HCN2: variants seen among roughly 807,000 people sequenced by gnomAD.
HCN2 encodes the protein hyperpolarization activated cyclic nucleotide gated potassium and sodium channel 2.
Under a neutral mutation model 52.3 loss-of-function variants are expected in HCN2, and 20 were observed. That is an observed-to-expected ratio of 0.38 (90% CI 0.27 to 0.56). The LOEUF is 0.56. HCN2 is among the 20% of genes least tolerant of loss of function. HCN2 has a pLI of 0.71. For synonymous variants in HCN2, 694 were observed against 537.0 expected (o/e 1.29, Z -4.04); for missense variants, 981 against 1,207.7 (o/e 0.81, Z 2.78).
At chr19:598,455 C>T (rs914375617) in intron 1 of HCN2, among the ~76,000 whole-genome samples, 1 of 152,044 alleles carries the variant, frequency 6.6e-6, no homozygotes, top group Non-Finnish European at 1.5e-5. Flanking sequence ...CACAGGTGCG[C>T]ACCACCACGC....
At chr19:609,846 G>A (rs1163616657) in intron 4 of HCN2, among the ~76,000 whole-genome samples, 2 of 152,212 alleles carry the variant, frequency 1.3e-5, no homozygotes, top group African/African-American at 2.4e-5. Context: ...GCTGCAGTGA[G>A]CTGTGATTGC....
chr19:590,046 A>AGCCGCC lies in HCN2; in HGVS notation c.117_122dup (p.Pro40_Pro41dup), dbSNP rs1184713061. 1.8e-5 allele frequency: 10 copies of AGCCGCC among 562,612 alleles called. No individual in the cohort carries two copies. Among genetic ancestry groups the AGCCGCC allele is most frequent in the African/African-American group, 4.9e-5 (2 of 40,906 alleles). 34.9% of individuals were successfully genotyped at this position (562,612 alleles called of 1,614,324 possible). A position where few individuals can be genotyped will look rare whatever the true frequency, so the allele number is the denominator to read the frequency against. On this transcript the variant is annotated inframe_insertion, in exon 1 of 8. Transcript: ENST00000251287. This position sits in a 1 kb window ranked among gnomAD's most constrained non-coding sequence, Gnocchi z 7.2. ...CCGCCGCCCGCGCCCCCCCAACAGC[A>AGCCGCC]GCCGCCGCCGCCGCCGCCGCCCGCG...
intron 1 of HCN2, among the ~76,000 whole-genome samples, chr19:601,607 G>A (rs1373713795): frequency 2.0e-5 from 3 of 150,950 alleles, no homozygotes; most frequent in East Asian, 3.9e-4. Flanking sequence ...AACACGGCGG[G>A]GTGCTCGTCC....
In HCN2 at chr19:616,808, GCCCCGCCCGCCCCCCACCCTCTAGGTGGC is replaced by G. The variant is rs1983965253; in HGVS notation, c.*340_*368del. On this transcript the variant is annotated 3_prime_UTR_variant, in exon 8 of 8. Coordinates refer to ENST00000251287, the MANE Select transcript of HCN2 (RefSeq NM_001194.4). ...GTGGCTGAGAGGAGCCGGCTGTGGA[GCCCCGCCCGCCCCCCACCCTCTAGGTGGC>G]CCCCGTCCGAGGAGGATCGTTTTCT... The G allele has an allele frequency of 4.5e-6, 1 of 219,930 alleles. No homozygotes were observed. Among genetic ancestry groups the G allele is most frequent in the Admixed American group, 5.4e-5 (1 of 18,504 alleles). 13.6% of individuals were successfully genotyped at this position (219,930 alleles called of 1,614,324 possible).
intron 7 of HCN2, among the ~76,000 whole-genome samples, chr19:614,928 C>T (rs940009441): frequency 6.6e-5 from 10 of 152,084 alleles, no homozygotes; most frequent in East Asian, 1.9e-4. Flanking sequence ...ATGGCTGAAA[C>T]GCAGGACAGG....
intron 1 of HCN2, among the ~76,000 whole-genome samples, chr19:598,616 T>C (rs1983107855): frequency 6.6e-6 from 1 of 152,046 alleles, no homozygotes; most frequent in African/African-American, 2.4e-5. Context: ...TTCCCTTCTT[T>C]TTTGAGACGG....
chr19:600,867 C>T (rs1032108439), intron 1 of HCN2, among the ~76,000 whole-genome samples: 2 of 152,294 alleles, frequency 1.3e-5, no homozygotes, highest in South Asian at 2.1e-4. Flanking sequence ...GTTGTACAAC[C>T]GTCACCACTA....
At chr19:615,698 G>A in intron 7 of HCN2, 97 bp from the exon 8 acceptor site, 1 of 1,176,462 alleles carries the variant, frequency 8.5e-7, no homozygotes. Flanking sequence ...TACACGGCAA[G>A]CACTGTGTGC....
intron 1 of HCN2, among the ~76,000 whole-genome samples, chr19:599,641 A>ATTTT (rs2144510680): frequency 6.6e-6 from 1 of 150,892 alleles, no homozygotes; most frequent in Non-Finnish European, 1.5e-5. Flanking sequence ...AAAAAAAATT[A>ATTTT]TCTGGGCGTG....
chr19:617,072 G>T lies in HCN2; in HGVS notation c.*598G>T. 1 of 585,920 alleles carries T rather than the reference G, an allele frequency of 1.7e-6. No individual in the cohort carries two copies. Among genetic ancestry groups the T allele is most frequent in the Non-Finnish European group, 3.0e-6 (1 of 327,906 alleles). 36.3% of individuals were successfully genotyped at this position (585,920 alleles called of 1,614,324 possible). On this transcript the variant is annotated 3_prime_UTR_variant, in exon 8 of 8. Transcript: ENST00000251287. ...GCCGTGATGAATGTACTGACGAGCC[G>T]AGGCAGCAGTGCCCCCACCGTGGCC... is the stretch of plus-strand genomic sequence containing the variant.
chr19:610,721 C>A (rs1983594756), intron 5 of HCN2, among the ~76,000 whole-genome samples: 1 of 152,208 alleles, frequency 6.6e-6, no homozygotes, highest in Non-Finnish European at 1.5e-5. Flanking sequence ...GCACCAGGTC[C>A]TGGGGGCACT....
intron 1 of HCN2, among the ~76,000 whole-genome samples, chr19:602,450 C>T (rs1030938461): frequency 6.6e-4 from 101 of 152,272 alleles, no homozygotes; most frequent in Middle Eastern, 3.4e-3. Context: ...GCCCCACTTC[C>T]TCTGGAAATG....
chr19:608,111 G>A lies in HCN2; in HGVS notation c.1366G>A (p.Ala456Thr). The A allele has an allele frequency of 1.9e-6, 3 of 1,613,346 alleles. No homozygotes were observed. The highest frequency in any genetic ancestry group is 2.5e-6 in the Non-Finnish European group (3 of 1,180,014). The change falls in exon 4 of 8, where the codon GCC becomes ACC. Residue 456 changes from alanine to threonine, a missense_variant. By Grantham distance (58) the Ala-to-Thr change is moderately conservative (BLOSUM62 0). Coordinates refer to ENST00000251287, the MANE Select transcript of HCN2 (RefSeq NM_001194.4). ...LSMIVGATCY[A>T]MFIGHATALI... is the part of the protein sequence containing the mutation. ...CATGATTGTGGGTGCCACCTGCTAC[G>A]CCATGTTCATCGGCCACGCCACTGC...
At chr19:606,138 C>T (rs769793586) in intron 3 of HCN2, among the ~76,000 whole-genome samples, 13 of 152,046 alleles carry the variant, frequency 8.6e-5, no homozygotes, top group Non-Finnish European at 1.6e-4. Flanking sequence ...TTCACTCTGT[C>T]GCCCAGGCTG....
At chr19:605,876 G>A (rs1032733160) in intron 3 of HCN2, among the ~76,000 whole-genome samples, 4 of 152,070 alleles carry the variant, frequency 2.6e-5, no homozygotes, top group Non-Finnish European at 5.9e-5. Context: ...TACACGGGAG[G>A]ACTCAGGCCT....
At chr19:610,042 C>T (rs1983556766) in intron 4 of HCN2, among the ~76,000 whole-genome samples, 2 of 152,116 alleles carry the variant, frequency 1.3e-5, no homozygotes, top group African/African-American at 4.8e-5. Flanking sequence ...CTTTGTCTGA[C>T]CCAGCCCTGA....
At chr19:593,609 G>A (rs4919866) in intron 1 of HCN2, among the ~76,000 whole-genome samples, 45,285 of 151,954 alleles carry the variant, frequency 0.3, 7,369 homozygotes, top group East Asian at 0.64. Context: ...GACAGAGTGG[G>A]ACTTGGTCTC....
At chr19:609,737 C>A (rs1357637611) in intron 4 of HCN2, among the ~76,000 whole-genome samples, 1 of 152,052 alleles carries the variant, frequency 6.6e-6, no homozygotes, top group Non-Finnish European at 1.5e-5. Flanking sequence ...CTCATCTCCA[C>A]AAAAAATAAA....
intron 3 of HCN2, among the ~76,000 whole-genome samples, chr19:606,412 C>G (rs921473379): frequency 6.6e-6 from 1 of 152,060 alleles, no homozygotes; most frequent in Non-Finnish European, 1.5e-5. Context: ...GGTTGGATCC[C>G]TTGAGCCCAG....
Sources: allele counts gnomAD v4.1 joint callset (sites outside exome capture counted in the v4.1 genomes callset), GRCh38; gene constraint gnomAD v4.1.1; non-coding constraint Gnocchi (gnomAD v3.1); transcripts MANE v1.5; gene names NCBI Gene and HGNC (gene_info 2026-07-23, HGNC 2026-07-21).